Variants in RASGRF1 observed in about 807,000 individuals in gnomAD.
The protein encoded by RASGRF1 is ras-specific guanine nucleotide-releasing factor 1.
RASGRF1 carries 40 observed loss-of-function variants against 138.7 expected under a neutral mutation model. The ratio of observed to expected loss-of-function variants is 0.29; its 90% confidence interval spans 0.22 to 0.38. The LOEUF (loss-of-function observed/expected upper bound fraction) is 0.38. Ranked by LOEUF, RASGRF1 falls within the 10% of genes least tolerant of loss-of-function variation. The probability of loss-of-function intolerance (pLI) is 1.00; values close to 1 mark genes in which losing one functional copy is unlikely to be tolerated. For missense variants in RASGRF1, 1,108 were observed against 1,650.4 expected (o/e 0.67, Z 5.69); for synonymous variants, 614 against 663.2 (o/e 0.93, Z 1.14).
intron 23 of RASGRF1, among the ~76,000 whole-genome samples, chr15:78,983,861 G>A (rs1304042240): frequency 6.6e-6 from 1 of 152,224 alleles, no homozygotes; most frequent in Non-Finnish European, 1.5e-5. Flanking sequence ...CCCTAAGCCT[G>A]GCATCTCTGT....
rs1192814473 is a variant in RASGRF1 at position 79,050,477 on chromosome 15, G to A, written c.532-889C>T. Among the ~76,000 whole-genome samples the A allele has an allele frequency of 1.3e-5, 2 of 152,160 alleles. No individual in the cohort carries two copies. Among genetic ancestry groups the A allele is most frequent in the Admixed American group, 6.5e-5 (1 of 15,284 alleles). On this transcript the variant is annotated intron_variant, in intron 3 of 26. Transcript: ENST00000558480. The surrounding 1 kb of genome is among the most constrained non-coding windows in gnomAD (Gnocchi z 4.1). ...TAAATCAGATAGAGCAGGTGGCTCC[G>A]GGTGAAGTCCTGCTGGCTTGGCGCT...
chr15:78,965,110 T>G (rs7169336), intron 26 of RASGRF1, among the ~76,000 whole-genome samples: 148,668 of 152,280 alleles, frequency 0.98, 72,683 homozygotes, highest in East Asian at 1. Flanking sequence ...AGTGTTTAAA[T>G]CATAAATCCC....
chr15:79,014,760 A>G (rs990179105), intron 13 of RASGRF1, among the ~76,000 whole-genome samples: 14 of 152,230 alleles, frequency 9.2e-5, no homozygotes, highest in Admixed American at 7.8e-4. Flanking sequence ...TACTAAAAAT[A>G]CAAAACATTA....
chr15:79,047,323 A>G (rs1296067483), intron 4 of RASGRF1, among the ~76,000 whole-genome samples: 3 of 152,156 alleles, frequency 2.0e-5, no homozygotes, highest in Non-Finnish European at 4.4e-5. Context: ...GCCCCACCCC[A>G]GACCTCTGCA....
intron 22 of RASGRF1, 151 bp downstream of exon 22, chr15:78,990,038 C>G (rs1393885740): frequency 8.8e-6 from 6 of 685,710 alleles, no homozygotes; most frequent in Non-Finnish European, 1.6e-5. Context: ...GTGAGGCAAC[C>G]AGCCCGAGGC....
At chr15:78,964,882 C>CTTGGT (rs958570940) in intron 26 of RASGRF1, among the ~76,000 whole-genome samples, 10 of 152,072 alleles carry the variant, frequency 6.6e-5, no homozygotes, top group Admixed American at 2.6e-4. Flanking sequence ...ATGGACAGCA[C>CTTGGT]TTGGTATGCT....
chr15:78,998,325 C>T (rs1431480606), intron 18 of RASGRF1, 117 bp from the exon 19 acceptor site: 1 of 851,824 alleles, frequency 1.2e-6, no homozygotes, highest in Non-Finnish European at 1.9e-6. Context: ...GCAGGCTGAC[C>T]TGCCTCATTT....
At position 79,005,418 on chromosome 15, in the gene RASGRF1, A is replaced by T. The variant is rs191654409; in HGVS notation, c.2075+768T>A. On this transcript the variant is annotated intron_variant, in intron 14 of 26. Transcript: ENST00000558480. Reference sequence around the variant, plus strand: ...GGGCAGGGCACTCAGAGAGCCTCTGAGCCTCTGAGGGCTGGGATGGGCTGT... The same window carrying T: ...GGGCAGGGCACTCAGAGAGCCTCTGTGCCTCTGAGGGCTGGGATGGGCTGT... 377 of 985,230 alleles carry T rather than the reference A, an allele frequency of 3.8e-4. No homozygotes were observed. The African/African-American group carries it at 6.3e-3, about 16-fold the overall frequency. 61.0% of individuals were successfully genotyped at this position (985,230 alleles called of 1,614,324 possible). A position where few individuals can be genotyped will look rare whatever the true frequency, so the allele number is the denominator to read the frequency against.
intron 15 of RASGRF1, among the ~76,000 whole-genome samples, chr15:79,002,284 T>A (rs900383272): frequency 1.3e-5 from 2 of 152,176 alleles, no homozygotes; most frequent in Admixed American, 6.5e-5. Flanking sequence ...CTGTCTTGGA[T>A]AATTAATTAT....
intron 1 of RASGRF1, among the ~76,000 whole-genome samples, chr15:79,084,829 C>T (rs2057958365): frequency 6.6e-6 from 1 of 152,196 alleles, no homozygotes. Flanking sequence ...TGCCTGGTGG[C>T]CTCAGGCAGA....
chr15:78,993,657 G>C (rs1398512810), intron 20 of RASGRF1, among the ~76,000 whole-genome samples: 3 of 152,110 alleles, frequency 2.0e-5, no homozygotes, highest in African/African-American at 7.2e-5. Flanking sequence ...GGGCAGCCCA[G>C]CCACCTTCCC....
chr15:78,964,260 C>T (rs1204862541), intron 26 of RASGRF1, among the ~76,000 whole-genome samples: 1 of 151,960 alleles, frequency 6.6e-6, no homozygotes, highest in African/African-American at 2.4e-5. Context: ...CTGCAACCTC[C>T]GCCTCCCGAG....
chr15:78,962,086 G>C lies in RASGRF1; in HGVS notation c.*58C>G. 9.3e-7 allele frequency: 1 copy of C among 1,077,580 alleles called. No individual in the cohort carries two copies. Among genetic ancestry groups the C allele is most frequent in the Non-Finnish European group, 1.4e-6 (1 of 715,062 alleles). 66.8% of individuals were successfully genotyped at this position (1,077,580 alleles called of 1,614,324 possible). ...AAATCCAGTGAAACCAAACGAATAT[G>C]TACAGTATCATCTAGCACATGTCCC... On this transcript the variant is annotated 3_prime_UTR_variant, in exon 27 of 27. Coordinates refer to ENST00000558480, the MANE Select transcript of RASGRF1 (RefSeq NM_001145648.3).
At chr15:78,984,910 G>T in intron 23 of RASGRF1, 97 bp downstream of exon 23, 2 of 1,345,560 alleles carry the variant, frequency 1.5e-6, no homozygotes, top group Non-Finnish European at 2.1e-6. Context: ...CCAGTACTTT[G>T]CCCACTTGTG....
At chr15:79,042,044 T>C (rs1159259563) in intron 5 of RASGRF1, among the ~76,000 whole-genome samples, 3 of 152,170 alleles carry the variant, frequency 2.0e-5, no homozygotes, top group Non-Finnish European at 2.9e-5. Flanking sequence ...ATGGTTTTTA[T>C]TAAAGGGAAA....
chr15:79,052,182 G>A (rs1415296441), intron 3 of RASGRF1, among the ~76,000 whole-genome samples: 2 of 152,104 alleles, frequency 1.3e-5, no homozygotes, highest in Non-Finnish European at 2.9e-5. Flanking sequence ...CCCCCTAGAG[G>A]CAAACTGTCA....
At chr15:79,051,864 C>T (rs906836133) in intron 3 of RASGRF1, among the ~76,000 whole-genome samples, 3 of 152,176 alleles carry the variant, frequency 2.0e-5, no homozygotes, top group Non-Finnish European at 4.4e-5. Context: ...TAGTCTTGGC[C>T]CATTGCAACT....
At chr15:78,964,177 T>A (rs1157881382) in intron 26 of RASGRF1, among the ~76,000 whole-genome samples, 2 of 149,986 alleles carry the variant, frequency 1.3e-5, no homozygotes, top group East Asian at 3.9e-4. Context: ...TATTTATTTA[T>A]TTATTTTTTT....
At chr15:78,971,460 C>T (rs1249824977) in intron 26 of RASGRF1, among the ~76,000 whole-genome samples, 1 of 152,102 alleles carries the variant, frequency 6.6e-6, no homozygotes, top group African/African-American at 2.4e-5. Flanking sequence ...TGCCTGTGGA[C>T]CTAGACACAA....
Sources: allele counts gnomAD v4.1 joint callset (sites outside exome capture counted in the v4.1 genomes callset), GRCh38; gene constraint gnomAD v4.1.1; non-coding constraint Gnocchi (gnomAD v3.1); transcripts MANE v1.5; gene names NCBI Gene and HGNC (gene_info 2026-07-23, HGNC 2026-07-21).